Variants in FBXW4 observed in about 807,000 individuals in gnomAD.
FBXW4 encodes F-box/WD repeat-containing protein 4.
In FBXW4, 40 loss-of-function variants were observed where a neutral mutation model predicts 61.8. The observed-to-expected ratio is 0.65, with a 90% CI of 0.50 to 0.84. The LOEUF is 0.84. Among genes scored for constraint, FBXW4 ranks in the 40% least tolerant of loss-of-function variants. The probability of loss-of-function intolerance (pLI) is 0.00; values close to 1 mark genes in which losing one functional copy is unlikely to be tolerated. For synonymous variants in FBXW4, 311 were observed against 313.8 expected, an observed-to-expected ratio of 0.99 and a Z score of 0.10; for missense variants, 672 against 753.8, an observed-to-expected ratio of 0.89 and a Z score of 1.27.
chr10:101,645,457 C>A (rs2064088462), intron 5 of FBXW4, among the ~76,000 whole-genome samples: 1 of 152,164 alleles, frequency 6.6e-6, no homozygotes, highest in Admixed American at 6.5e-5. Flanking sequence ...TACAGGACAC[C>A]CTCTCCCCGT....
chr10:101,619,658 CAA>C (rs540597313), intron 6 of FBXW4, among the ~76,000 whole-genome samples: 21 of 113,696 alleles, frequency 1.8e-4, no homozygotes, highest in Admixed American at 1.9e-4. Context: ...GACTCTGTCT[CAA>C]AAAAAAAAAA....
chr10:101,623,298 A>G (rs950939695), intron 6 of FBXW4, among the ~76,000 whole-genome samples: 3 of 152,314 alleles, frequency 2.0e-5, no homozygotes, highest in Non-Finnish European at 2.9e-5. Context: ...CTGTAGTCCC[A>G]GCTACTAGGG....
intron 1 of FBXW4, among the ~76,000 whole-genome samples, chr10:101,682,024 G>GT (rs2134910182): frequency 6.6e-6 from 1 of 152,044 alleles, no homozygotes; most frequent in East Asian, 1.9e-4. Context: ...TCACACAATT[G>GT]TTTTTTAAAA....
intron 6 of FBXW4, among the ~76,000 whole-genome samples, chr10:101,615,144 G>A (rs1027553381): frequency 2.0e-5 from 3 of 152,140 alleles, no homozygotes; most frequent in Non-Finnish European, 2.9e-5. Context: ...CTTTTCTCTG[G>A]AAAGAATGTT....
chr10:101,683,644 T>TG (rs1211638946), intron 1 of FBXW4, among the ~76,000 whole-genome samples: 1 of 151,990 alleles, frequency 6.6e-6, no homozygotes, highest in African/African-American at 2.4e-5. Context: ...GAAAACTGGC[T>TG]GGGGGGAAGG....
chr10:101,694,962 C>A lies in FBXW4; in HGVS notation c.144G>T (p.Gly48=). Residue 48 remains glycine (G), a synonymous_variant, in exon 1 of 9, where the codon GGG becomes GGT. Coordinates refer to ENST00000331272, the MANE Select transcript of FBXW4 (RefSeq NM_022039.4). This position sits in a 1 kb window ranked among gnomAD's most constrained non-coding sequence, Gnocchi z 6.0. ...CCGCCCCGCTTCCTCTTCCGCCTTG[C>A]CCCGCTCTCGCTTTTCCCTTCCCCT... ...KGKGKGKARA[G]QGGRGSGAEG... 1 of 1,209,500 alleles carries A rather than the reference C, an allele frequency of 8.3e-7. No individual in the cohort carries two copies. The highest frequency in any genetic ancestry group is 1.0e-6 in the Non-Finnish European group (1 of 972,710). 74.9% of individuals were successfully genotyped at this position (1,209,500 alleles called of 1,614,324 possible). A position where few individuals can be genotyped will look rare whatever the true frequency, so the allele number is the denominator to read the frequency against.
In FBXW4 at chr10:101,611,841, A is replaced by T. The variant is rs1233335434; in HGVS notation, c.1443-72T>A. 2 of 1,534,100 alleles carry T rather than the reference A, an allele frequency of 1.3e-6. No individual in the cohort carries two copies. Among genetic ancestry groups the T allele is most frequent in the Non-Finnish European group, 1.8e-6 (2 of 1,135,030 alleles). ...CCTCTACCCCAGCTTTCTTGGGCCTAGAGTGGCTGAGGGGAGCGTTAAGGA... is the reference window on the plus strand; with the variant it reads ...CCTCTACCCCAGCTTTCTTGGGCCTTGAGTGGCTGAGGGGAGCGTTAAGGA... On this transcript the variant is annotated intron_variant, in intron 7 of 8. Transcript: ENST00000331272. This position sits in a 1 kb window ranked among gnomAD's most constrained non-coding sequence, Gnocchi z 4.9.
At position 101,611,427 on chromosome 10, in the gene FBXW4, A is replaced by G. The variant is rs2063782902; in HGVS notation, c.1585-17T>C. ...CGGGAAGGCCTGGAAGGGAGGGCAC[A>G]GGAAGTGGTAAGAGCTTTCCAAGTG... On this transcript the variant is annotated splice_polypyrimidine_tract_variant and intron_variant, in intron 8 of 8. Coordinates refer to ENST00000331272, the MANE Select transcript of FBXW4 (RefSeq NM_022039.4). This position sits in a 1 kb window ranked among gnomAD's most constrained non-coding sequence, Gnocchi z 4.9. 6.2e-7 allele frequency: 1 copy of G among 1,610,774 alleles called. No individual in the cohort carries two copies. The highest frequency in any genetic ancestry group is 8.5e-7 in the Non-Finnish European group (1 of 1,178,362).
rs780553686 is a variant in FBXW4, at chr10:101,612,330, C to T, written c.1442+7G>A. On this transcript the variant is annotated splice_region_variant and intron_variant, in intron 7 of 8. Transcript: ENST00000331272. ...CACCACCTGTCCTCCCTGCCCAGCA[C>T]ACTCACCGGACGCTGGTGCGGAGGT... 15 of 1,553,226 alleles carry T rather than the reference C, an allele frequency of 9.7e-6. No individual in the cohort carries two copies. The highest frequency in any genetic ancestry group is 1.2e-5 in the Non-Finnish European group (14 of 1,145,894).
chr10:101,615,609 G>A (rs928863312), intron 6 of FBXW4, among the ~76,000 whole-genome samples: 4 of 152,028 alleles, frequency 2.6e-5, no homozygotes, highest in African/African-American at 9.7e-5. Context: ...AGAGGTCAGG[G>A]CCCCCTGGCC....
chr10:101,692,459 T>TA (rs1288180823), intron 1 of FBXW4, among the ~76,000 whole-genome samples: 1 of 151,978 alleles, frequency 6.6e-6, no homozygotes, highest in Admixed American at 6.6e-5. Context: ...TGTTAACTAT[T>TA]AAAAAATTAA....
intron 5 of FBXW4, among the ~76,000 whole-genome samples, chr10:101,635,557 A>G (rs2063994273): frequency 6.6e-6 from 1 of 152,268 alleles, no homozygotes; most frequent in Non-Finnish European, 1.5e-5. Flanking sequence ...ATGGGAGGCC[A>G]GAAGTGGTGG....
intron 6 of FBXW4, among the ~76,000 whole-genome samples, chr10:101,622,647 G>A (rs1381173033): frequency 1.4e-5 from 2 of 141,456 alleles, no homozygotes; most frequent in Non-Finnish European, 3.0e-5. Context: ...AGAATGGCGT[G>A]AACTCAGGAG....
At chr10:101,640,663 T>TC (rs1489954612) in intron 5 of FBXW4, among the ~76,000 whole-genome samples, 1 of 150,460 alleles carries the variant, frequency 6.6e-6, no homozygotes, top group Admixed American at 6.6e-5. Flanking sequence ...AGCTAATTTT[T>TC]TTTTTTTTTT....
intron 5 of FBXW4, among the ~76,000 whole-genome samples, chr10:101,627,375 C>A (rs1453741785): frequency 2.0e-5 from 3 of 152,120 alleles, no homozygotes; most frequent in Admixed American, 6.5e-5. Flanking sequence ...CAGTAAAAAA[C>A]CATCAATAGT....
At chr10:101,635,183 A>C (rs1364094190) in intron 5 of FBXW4, among the ~76,000 whole-genome samples, 2 of 149,370 alleles carry the variant, frequency 1.3e-5, no homozygotes, top group African/African-American at 5.0e-5. Context: ...CTGCACATGC[A>C]AGGGATCTAG....
intron 1 of FBXW4, among the ~76,000 whole-genome samples, chr10:101,684,964 G>A (rs2064519827): frequency 6.6e-6 from 1 of 152,102 alleles, no homozygotes; most frequent in Non-Finnish European, 1.5e-5. Context: ...CTGACCCACA[G>A]CTCCCTTGAA....
intron 1 of FBXW4, among the ~76,000 whole-genome samples, chr10:101,679,398 G>T (rs1189971564): frequency 6.6e-6 from 1 of 152,100 alleles, no homozygotes; most frequent in Non-Finnish European, 1.5e-5. Flanking sequence ...TTTCTAGAAA[G>T]TATATTCTTT....
At chr10:101,670,897 C>T (rs1205852352) in intron 4 of FBXW4, among the ~76,000 whole-genome samples, 2 of 152,166 alleles carry the variant, frequency 1.3e-5, no homozygotes, top group African/African-American at 4.8e-5. Flanking sequence ...TTTGGACAGT[C>T]CCTAGCTCAG....
Sources: allele counts gnomAD v4.1 joint callset (sites outside exome capture counted in the v4.1 genomes callset), GRCh38; gene constraint gnomAD v4.1.1; non-coding constraint Gnocchi (gnomAD v3.1); transcripts MANE v1.5; gene names NCBI Gene and HGNC (gene_info 2026-07-23, HGNC 2026-07-21).